The following SLC26A5 variants were observed in gnomAD, a reference collection of about 807,000 sequenced individuals.
SLC26A5 encodes the protein prestin.
Under a neutral mutation model 81.0 loss-of-function variants are expected in SLC26A5, and 51 were observed. The ratio of observed to expected loss-of-function variants is 0.63; its 90% CI spans 0.50 to 0.80. The LOEUF is 0.80. Among genes scored for constraint, SLC26A5 ranks in the 30% least tolerant of loss-of-function variants. The probability of loss-of-function intolerance (pLI) is 0.00; values close to 1 mark genes in which losing one functional copy is unlikely to be tolerated. For missense variants in SLC26A5, 771 were observed against 905.8 expected (o/e 0.85, Z 1.91); for synonymous variants, 325 against 332.8 (o/e 0.98, Z 0.25).
chr7:103,411,115 G>A (rs1311278675), intron 6 of SLC26A5, among the ~76,000 whole-genome samples: 1 of 152,110 alleles, frequency 6.6e-6, no homozygotes, highest in African/African-American at 2.4e-5. Flanking sequence ...GTAGACTAAA[G>A]TGCATGATCA....
intron 14 of SLC26A5, among the ~76,000 whole-genome samples, chr7:103,381,397 T>C (rs61720858): frequency 0.94 from 142,386 of 151,750 alleles, 67,426 homozygotes; most frequent in East Asian, 1. Context: ...GCATACACAC[T>C]ACACACAAAC....
intron 2 of SLC26A5, 62 bp from the exon 3 acceptor site, chr7:103,421,629 G>T: frequency 8.8e-7 from 1 of 1,132,456 alleles, no homozygotes; most frequent in Non-Finnish European, 1.3e-6. Flanking sequence ...CTTTTCCTAA[G>T]CATCTCTTCT....
intron 4 of SLC26A5, among the ~76,000 whole-genome samples, chr7:103,418,392 G>T (rs745485523): frequency 1.3e-5 from 2 of 152,300 alleles, no homozygotes; most frequent in South Asian, 4.1e-4. Flanking sequence ...GTGTGAGCTT[G>T]CGTGGTTGTC....
At chr7:103,369,859 C>T (rs999610167), downstream of SLC26A5, among the ~76,000 whole-genome samples, 5 of 152,144 alleles carry the variant, frequency 3.3e-5, no homozygotes, top group African/African-American at 1.2e-4. Flanking sequence ...TATTAAAAAA[C>T]TCCGTTTTCA....
At chr7:103,408,147 A>G (rs1824205918) in intron 7 of SLC26A5, 144 bp from the exon 8 acceptor site, 2 of 1,074,654 alleles carry the variant, frequency 1.9e-6, no homozygotes, top group South Asian at 1.4e-5. Flanking sequence ...CTCTCTTTGT[A>G]GCTTCTACCA....
downstream of SLC26A5, among the ~76,000 whole-genome samples, chr7:103,370,343 C>G (rs1820958557): frequency 6.6e-6 from 1 of 152,006 alleles, no homozygotes; most frequent in African/African-American, 2.4e-5. Context: ...CCTTCCCCAC[C>G]ACCTGCTCTT....
intron 2 of SLC26A5, among the ~76,000 whole-genome samples, chr7:103,428,104 T>C (rs555982078): frequency 6.6e-6 from 1 of 152,058 alleles, no homozygotes; most frequent in Non-Finnish European, 1.5e-5. Flanking sequence ...CTGCCCACCT[T>C]AGCCTCCCAA....
intron 8 of SLC26A5, among the ~76,000 whole-genome samples, chr7:103,398,392 G>A (rs879464863): frequency 3.9e-5 from 6 of 152,140 alleles, no homozygotes; most frequent in South Asian, 4.1e-4. Flanking sequence ...TCTGTACTTC[G>A]AGGGTGGTAC....
chr7:103,381,014 C>T (rs944167569), intron 14 of SLC26A5, among the ~76,000 whole-genome samples: 3 of 151,532 alleles, frequency 2.0e-5, no homozygotes, highest in African/African-American at 7.3e-5. Flanking sequence ...CACATGCATA[C>T]ACACACAATG....
intron 13 of SLC26A5, 97 bp downstream of exon 13, chr7:103,389,232 A>G: frequency 8.3e-7 from 1 of 1,204,528 alleles, no homozygotes; most frequent in Non-Finnish European, 1.2e-6. Context: ...GATACTGCAC[A>G]TAACAACTGC....
intron 2 of SLC26A5, among the ~76,000 whole-genome samples, chr7:103,435,526 T>C (rs1826385803): frequency 6.6e-6 from 1 of 152,174 alleles, no homozygotes; most frequent in Non-Finnish European, 1.5e-5. Context: ...TGATAGCTAG[T>C]TATACTTTGG....
chr7:103,354,762 G>A (rs1819937328), intron 19 of SLC26A5: 1 of 702,094 alleles, frequency 1.4e-6, no homozygotes, highest in Non-Finnish European at 2.5e-6. Context: ...CAAGCTTTGG[G>A]ATAATGATAG....
intron 4 of SLC26A5, among the ~76,000 whole-genome samples, chr7:103,414,314 T>C (rs1475993441): frequency 6.6e-6 from 1 of 151,452 alleles, no homozygotes; most frequent in African/African-American, 2.4e-5. Context: ...GCCTCCCTAG[T>C]AGTTGGGACT....
chr7:103,400,733 T>C (rs890340544), intron 8 of SLC26A5, among the ~76,000 whole-genome samples: 9 of 152,168 alleles, frequency 5.9e-5, no homozygotes, highest in African/African-American at 9.7e-5. Context: ...CCATCTTGAG[T>C]TAATTTTTGT....
At position 103,389,066 on chromosome 7, in the gene SLC26A5, A is replaced by G; in HGVS notation, c.1456T>C (p.Tyr486His). The G allele has an allele frequency of 1.9e-6, 3 of 1,613,904 alleles. No individual in the cohort carries two copies. The highest frequency in any genetic ancestry group is 2.5e-6 in the Non-Finnish European group (3 of 1,179,878). ...FVSSLFLGLD[Y>H]GLITAVIIAL... The stretch of plus-strand genomic sequence containing the variant: ...ATGATCACAGCAGTGATCAAACCAT[A>G]GTCCAATCCCAGGAACAAGGAGGAC... Residue 486 changes from tyrosine (Y) to histidine (H), a missense_variant, in exon 14 of 20, where the codon TAT (tyrosine) becomes CAT (histidine). Coordinates refer to ENST00000306312, the MANE Select transcript of SLC26A5 (RefSeq NM_198999.3).
intron 2 of SLC26A5, among the ~76,000 whole-genome samples, chr7:103,439,535 G>C (rs2116859621): frequency 7.2e-6 from 1 of 138,852 alleles, no homozygotes; most frequent in East Asian, 2.3e-4. Flanking sequence ...GTTGTTGTTT[G>C]TTTGTTTGTT....
chr7:103,365,521 C>T (rs1338943410), intron 19 of SLC26A5, among the ~76,000 whole-genome samples: 1 of 152,010 alleles, frequency 6.6e-6, no homozygotes, highest in Non-Finnish European at 1.5e-5. Flanking sequence ...CCCAGCTCCT[C>T]GGGAGGCCGA....
At chr7:103,427,622 G>C (rs1825793359) in intron 2 of SLC26A5, among the ~76,000 whole-genome samples, 1 of 152,082 alleles carries the variant, frequency 6.6e-6, no homozygotes, top group Admixed American at 6.6e-5. Context: ...TTCAGACTAA[G>C]AGCCAAAGTC....
intron 2 of SLC26A5, among the ~76,000 whole-genome samples, chr7:103,432,326 T>C (rs56356144): frequency 0.075 from 11,434 of 152,300 alleles, 541 homozygotes; most frequent in South Asian, 0.11. Context: ...TTCTCCCTTT[T>C]CTCTTTCCTT....
Sources: gnomAD v4.1 joint callset for allele counts (sites outside exome capture counted in the v4.1 genomes callset) on GRCh38, gnomAD v4.1.1 for gene constraint, MANE v1.5 for transcripts, NCBI Gene and HGNC (gene_info 2026-07-23, HGNC 2026-07-21) for gene names.